The following PLXDC1 variants were observed in gnomAD, a reference collection of about 807,000 sequenced individuals.
PLXDC1 encodes the protein plexin domain-containing protein 1.
PLXDC1 carries 39 observed loss-of-function variants against 61.3 expected under a neutral mutation model. The observed-to-expected ratio is 0.64, with a 90% CI of 0.49 to 0.83. The LOEUF (loss-of-function observed/expected upper bound fraction) is 0.83, where lower values mean the gene tolerates loss of function less well. Among genes scored for constraint, PLXDC1 ranks in the 40% least tolerant of loss-of-function variants. The pLI, the probability that PLXDC1 is intolerant of heterozygous loss-of-function variation, is 0.00. For synonymous variants in PLXDC1, 212 were observed against 254.5 expected (o/e 0.83, Z 1.59); for missense variants, 596 against 666.5 (o/e 0.89, Z 1.17).
intron 11 of PLXDC1, among the ~76,000 whole-genome samples, chr17:39,076,779 A>G (rs1440923944): frequency 6.6e-6 from 1 of 152,116 alleles, no homozygotes; most frequent in Non-Finnish European, 1.5e-5. Context: ...CCTGCCACCC[A>G]GGCTGGAGTG....
At chr17:39,096,080 C>T (rs1022065708) in intron 7 of PLXDC1, among the ~76,000 whole-genome samples, 3 of 152,068 alleles carry the variant, frequency 2.0e-5, no homozygotes, top group Non-Finnish European at 4.4e-5. Context: ...GATGACAGGT[C>T]GATCCACAAA....
In PLXDC1 at chr17:39,066,801, C is replaced by T. The variant is rs546471458; in HGVS notation, c.*1039G>A. ...TTTTAATTATGTTGGCCAGGCTGGT[C>T]TCAAACTTCTGACTTCAGGTGATCC... On this transcript the variant is annotated 3_prime_UTR_variant, in exon 14 of 14. Transcript: ENST00000315392. The T allele has an allele frequency of 3.9e-5, 6 of 152,168 alleles. No homozygotes were observed. The highest frequency in any genetic ancestry group is 7.3e-5 in the Non-Finnish European group (5 of 68,044). 9.4% of individuals were successfully genotyped at this position (152,168 alleles called of 1,614,324 possible). A position where few individuals can be genotyped will look rare whatever the true frequency, so the allele number is the denominator to read the frequency against.
Position 39,145,339 on chromosome 17 carries a change from G to A in PLXDC1, c.77-5507C>T, listed in dbSNP as rs2045333361. On this transcript the variant is annotated intron_variant, in intron 1 of 13. Coordinates refer to ENST00000315392, the MANE Select transcript of PLXDC1 (RefSeq NM_020405.5). Reference sequence around the variant, plus strand: ...GTCCCATTTCAGGGCAAGGGGGAATGGGGCTGACCTCAGGAGGCCAGGTTG... The same window carrying A: ...GTCCCATTTCAGGGCAAGGGGGAATAGGGCTGACCTCAGGAGGCCAGGTTG... 2.6e-5 allele frequency among the ~76,000 whole-genome samples: 4 copies of A among 152,160 alleles called. No homozygotes were observed. The South Asian group carries it at 6.2e-4, about 24-fold the overall frequency.
Position 39,065,655 on chromosome 17 carries a change from C to T in PLXDC1, c.*2185G>A, listed in dbSNP as rs939744930. On this transcript the variant is annotated 3_prime_UTR_variant, in exon 14 of 14. Transcript: ENST00000315392. ...CCTCCCAAAGTGCTGGGAGTACAGG[C>T]ACGAGCCATCAGGCTTGGCCAAATA... is the stretch of plus-strand genomic sequence containing the variant. The T allele has an allele frequency of 6.6e-6, 1 of 152,172 alleles. No individual in the cohort carries two copies. Among genetic ancestry groups the T allele is most frequent in the Non-Finnish European group, 1.5e-5 (1 of 68,078 alleles). The allele number at this position is 152,172 out of a possible 1,614,324, so 9.4% of individuals were successfully genotyped here.
At chr17:39,140,552 G>A (rs1422663352) in intron 1 of PLXDC1, among the ~76,000 whole-genome samples, 2 of 152,212 alleles carry the variant, frequency 1.3e-5, no homozygotes, top group African/African-American at 4.8e-5. Flanking sequence ...TGATCCACCC[G>A]TCTCGGCCTC....
intron 7 of PLXDC1, among the ~76,000 whole-genome samples, chr17:39,096,645 G>A (rs1200577943): frequency 6.6e-6 from 1 of 152,214 alleles, no homozygotes; most frequent in Non-Finnish European, 1.5e-5. Flanking sequence ...CCAGCATGTT[G>A]GGGCCGTCCA....
At position 39,083,358 on chromosome 17, in the gene PLXDC1, T is replaced by A. The variant is rs1909629958; in HGVS notation, c.989+101A>T. On this transcript the variant is annotated intron_variant, in intron 9 of 13. Transcript: ENST00000315392. ...GTGGTACTGGCCAGAGATACTCTCA[T>A]GTTGGCTGACTGTGGGCAGTGAGGC... 11 of 836,944 alleles carry A rather than the reference T, an allele frequency of 1.3e-5. No homozygotes were observed. The South Asian group carries it at 1.4e-4, about 11-fold the overall frequency. 51.8% of individuals were successfully genotyped at this position (836,944 alleles called of 1,614,324 possible).
chr17:39,068,204 T>G (rs1339107777), intron 13 of PLXDC1, among the ~76,000 whole-genome samples: 1 of 152,216 alleles, frequency 6.6e-6, no homozygotes, highest in Non-Finnish European at 1.5e-5. Flanking sequence ...TATCCTTCAC[T>G]GTGTGGTCTG....
intron 1 of PLXDC1, among the ~76,000 whole-genome samples, chr17:39,140,075 T>G (rs1447373542): frequency 6.6e-6 from 1 of 152,208 alleles, no homozygotes; most frequent in African/African-American, 2.4e-5. Flanking sequence ...AGTTAGGATG[T>G]TCTCCATTTT....
intron 6 of PLXDC1, among the ~76,000 whole-genome samples, chr17:39,107,172 G>A (rs75707994): frequency 6.6e-6 from 1 of 152,166 alleles, no homozygotes; most frequent in African/African-American, 2.4e-5. Flanking sequence ...CTAGCACCAG[G>A]CACCTCTACT....
In PLXDC1 at chr17:39,066,767, G is replaced by A. The variant is rs1908913515; in HGVS notation, c.*1073C>T. On this transcript the variant is annotated 3_prime_UTR_variant, in exon 14 of 14. Coordinates refer to ENST00000315392, the MANE Select transcript of PLXDC1 (RefSeq NM_020405.5). ...ACCCAGCTAATTTTTTGTATTTTTAGTAGAGACATTTTAATTATGTTGGCC... is the reference window on the plus strand; with the variant it reads ...ACCCAGCTAATTTTTTGTATTTTTAATAGAGACATTTTAATTATGTTGGCC... 6.6e-6 allele frequency: 1 copy of A among 152,282 alleles called. No individual in the cohort carries two copies. Among genetic ancestry groups the A allele is most frequent in the East Asian group, 1.9e-4 (1 of 5,188 alleles). The allele number at this position is 152,282 out of a possible 1,614,324, so 9.4% of individuals were successfully genotyped here.
intron 11 of PLXDC1, among the ~76,000 whole-genome samples, chr17:39,076,414 G>A (rs2143309537): frequency 6.6e-6 from 1 of 151,672 alleles, no homozygotes; most frequent in Admixed American, 6.6e-5. Context: ...GGGAGGCTGA[G>A]GTTGGAGGAT....
chr17:39,098,308 A>T (rs889901719), intron 7 of PLXDC1, among the ~76,000 whole-genome samples: 1 of 152,054 alleles, frequency 6.6e-6, no homozygotes, highest in African/African-American at 2.4e-5. Context: ...TCTGACAAAA[A>T]GGGATGCAAT....
At position 39,086,859 on chromosome 17, in the gene PLXDC1, C is replaced by CAAAAAAAAAAAA. The variant is rs765774886; in HGVS notation, c.907+736_907+747dup. 1.0e-3 allele frequency among the ~76,000 whole-genome samples: 74 copies of CAAAAAAAAAAAA among 71,430 alleles called. 1 individual carries two copies. The highest frequency in any genetic ancestry group is 3.6e-3 in the South Asian group (5 of 1,402). 46.9% of individuals were successfully genotyped at this position (71,430 alleles called of 152,430 possible). A position where few individuals can be genotyped will look rare whatever the true frequency, so the allele number is the denominator to read the frequency against. ...CCTGGGCAACAGAGTGAGACTGTCTCAAAAAAAAAAAAAAAAAAAAAGAAG... is the reference window on the plus strand; with the variant it reads ...CCTGGGCAACAGAGTGAGACTGTCTCAAAAAAAAAAAAAAAAAAAAAAAAAAAAAAAAAGAAG... On this transcript the variant is annotated intron_variant, in intron 8 of 13. Coordinates refer to ENST00000315392, the MANE Select transcript of PLXDC1 (RefSeq NM_020405.5).
At chr17:39,148,066 A>C (rs1275880997) in intron 1 of PLXDC1, among the ~76,000 whole-genome samples, 1 of 151,934 alleles carries the variant, frequency 6.6e-6, no homozygotes, top group African/African-American at 2.4e-5. Context: ...ATCGGAGGGG[A>C]CGGCAGCTGG....
chr17:39,080,255 T>G (rs1224763248), intron 9 of PLXDC1: 1 of 151,848 alleles, frequency 6.6e-6, no homozygotes, highest in Non-Finnish European at 1.5e-5. Flanking sequence ...CCAGCCTGGG[T>G]GACAGAGCAA....
intron 1 of PLXDC1, among the ~76,000 whole-genome samples, chr17:39,146,362 C>G (rs182284280): frequency 2.6e-5 from 4 of 151,972 alleles, no homozygotes; most frequent in African/African-American, 9.7e-5. Flanking sequence ...TGAGCCACCA[C>G]GCCTGGCCAG....
Position 39,109,286 on chromosome 17 carries a change from T to C in PLXDC1, c.361A>G (p.Ile121Val). 1.2e-6 allele frequency: 2 copies of C among 1,613,074 alleles called. No homozygotes were observed. The highest frequency in any genetic ancestry group is 2.2e-5 in the South Asian group (2 of 90,666). The stretch of plus-strand genomic sequence containing the variant: ...TGGGTGTTGGAGAGTATTGTGTGGA[T>C]CTTCACTTGGCTCCGGTTGGCCTCG... The part of the protein sequence containing the change: ...VAEANRSQVK[I>V]HTILSNTHRQ... Residue 121 changes from isoleucine (I) to valine (V), a missense_variant, in exon 3 of 14, where the codon ATC becomes GTC. Transcript: ENST00000315392.
chr17:39,141,810 C>CA (rs1391469455), intron 1 of PLXDC1, among the ~76,000 whole-genome samples: 1 of 152,194 alleles, frequency 6.6e-6, no homozygotes, highest in East Asian at 1.9e-4. Context: ...CACATTCTTG[C>CA]CAATACTTGT....
Sources: gnomAD v4.1 joint callset for allele counts (sites outside exome capture counted in the v4.1 genomes callset) on GRCh38, gnomAD v4.1.1 for gene constraint, MANE v1.5 for transcripts, NCBI Gene and HGNC (gene_info 2026-07-23, HGNC 2026-07-21) for gene names.